Variants in ELP6 observed in about 807,000 individuals in gnomAD.
ELP6 encodes elongator complex protein 6.
ELP6 carries 23 observed loss-of-function variants against 28.1 expected under a neutral mutation model. The ratio of observed to expected loss-of-function variants is 0.82; its 90% CI spans 0.59 to 1.16. The LOEUF (loss-of-function observed/expected upper bound fraction) is 1.16. Among genes scored for constraint, ELP6 ranks in the 50% most tolerant of loss-of-function variants. The pLI is 0.00. For missense variants in ELP6, 313 were observed against 334.6 expected, an observed-to-expected ratio of 0.94 and a Z score of 0.50; for synonymous variants, 132 against 135.8, an observed-to-expected ratio of 0.97 and a Z score of 0.19.
chr3:47,498,828 GC>G, intron 5 of ELP6: 1 of 453,046 alleles, frequency 2.2e-6, no homozygotes, highest in Non-Finnish European at 2.9e-6. Flanking sequence ...AGAGATATGG[GC>G]CCAGGAGACA....
chr3:47,512,507 C>A, intron 1 of ELP6: 3 of 694,392 alleles, frequency 4.3e-6, no homozygotes, highest in Non-Finnish European at 5.3e-6. Context: ...GCCGAGATCG[C>A]GCCAGTGCAC....
At chr3:47,508,765 C>CTTTTTTTTTTTTT (rs1218072845) in intron 3 of ELP6, among the ~76,000 whole-genome samples, 1 of 132,210 alleles carries the variant, frequency 7.6e-6, no homozygotes, top group Non-Finnish European at 1.6e-5. Flanking sequence ...TTTTTTTTTC[C>CTTTTTTTTTTTTT]TTTTTTTTTT....
Position 47,504,365 on chromosome 3 carries a change from C to T in ELP6, c.288G>A (p.Gln96=), listed in dbSNP as rs776470687. The change falls in exon 4 of 7, where the codon CAG becomes CAA. Residue 96 remains glutamine, a synonymous_variant. Coordinates refer to ENST00000296149, the MANE Select transcript of ELP6 (RefSeq NM_001031703.3). Reference sequence around the variant, plus strand: ...GCAGGGGGTGTGGCTCCTTTTGAGCCTGGAAGACGACGTCCACTGCAGACT... The same window carrying T: ...GCAGGGGGTGTGGCTCCTTTTGAGCTTGGAAGACGACGTCCACTGCAGACT... ...GLKSAVDVVF[Q]AQKEPHPLQF... The T allele has an allele frequency of 6.2e-7, 1 of 1,610,884 alleles. No individual in the cohort carries two copies. The highest frequency in any genetic ancestry group is 8.5e-7 in the Non-Finnish European group (1 of 1,178,306).
chr3:47,496,007 T>G lies in ELP6; in HGVS notation c.*62A>C. ...AGAGGAGAAAGACCCATTCTTGCTA[T>G]GTTGCTCTATCTTCCACGTCCAAAA... On this transcript the variant is annotated 3_prime_UTR_variant, in exon 7 of 7. Transcript: ENST00000296149. The G allele has an allele frequency of 6.2e-7, 1 of 1,610,498 alleles. No homozygotes were observed. Among genetic ancestry groups the G allele is most frequent in the Non-Finnish European group, 8.5e-7 (1 of 1,178,788 alleles).
intron 5 of ELP6, chr3:47,500,299 A>G: frequency 9.9e-7 from 1 of 1,007,156 alleles, no homozygotes; most frequent in Non-Finnish European, 1.2e-6. Context: ...AAATATGTGC[A>G]TATACTTTGA....
At chr3:47,509,728 T>C (rs1416551583) in intron 3 of ELP6, among the ~76,000 whole-genome samples, 1 of 152,090 alleles carries the variant, frequency 6.6e-6, no homozygotes, top group Admixed American at 6.6e-5. Flanking sequence ...CATGCTGAGA[T>C]GCTACCTTAG....
intron 3 of ELP6, among the ~76,000 whole-genome samples, chr3:47,506,338 A>G (rs1171178078): frequency 6.6e-6 from 1 of 152,204 alleles, no homozygotes; most frequent in African/African-American, 2.4e-5. Context: ...ATCAGGAGAC[A>G]GGGTTTTGAG....
At chr3:47,502,531 C>A (rs1708697811) in intron 4 of ELP6, 16 of 984,386 alleles carry the variant, frequency 1.6e-5, no homozygotes, top group Non-Finnish European at 1.9e-5. Flanking sequence ...GGAGGTTATA[C>A]ACAGCTGGAA....
chr3:47,508,237 TTATGTATG>T (rs968357057), intron 3 of ELP6, among the ~76,000 whole-genome samples: 1 of 152,188 alleles, frequency 6.6e-6, no homozygotes, highest in African/African-American at 2.4e-5. Context: ...TTTTTTATTT[TTATGTATG>T]TATGTATGTA....
intron 5 of ELP6, chr3:47,501,397 T>C (rs1708644697): frequency 1.9e-6 from 1 of 516,348 alleles, no homozygotes. Flanking sequence ...CTGACAGACC[T>C]GGGACTGCAG....
chr3:47,509,336 T>G (rs985862592), intron 3 of ELP6, among the ~76,000 whole-genome samples: 1 of 152,158 alleles, frequency 6.6e-6, no homozygotes, highest in Admixed American at 6.5e-5. Context: ...CCTGTCCAAA[T>G]ACAAACCAAA....
chr3:47,509,737 A>G (rs942664326), intron 3 of ELP6, among the ~76,000 whole-genome samples: 2 of 151,984 alleles, frequency 1.3e-5, no homozygotes, highest in African/African-American at 4.8e-5. Flanking sequence ...ATGCTACCTT[A>G]GCCCTTCGAG....
At chr3:47,512,848 A>G in intron 1 of ELP6, 2 of 982,090 alleles carry the variant, frequency 2.0e-6, no homozygotes, top group Non-Finnish European at 2.4e-6. Flanking sequence ...CGGCGGCGAA[A>G]CGAACTCCCC....
chr3:47,498,507 T>A, intron 5 of ELP6, 75 bp from the exon 6 acceptor site: 1 of 1,572,260 alleles, frequency 6.4e-7, no homozygotes, highest in Non-Finnish European at 8.6e-7. Flanking sequence ...CAGCCTCTCG[T>A]TGCCTCCACT....
intron 4 of ELP6, chr3:47,503,322 A>C (rs760909634): frequency 7.8e-7 from 1 of 1,288,504 alleles, no homozygotes; most frequent in South Asian, 1.2e-5. Context: ...GAAGAACAGC[A>C]GCCAAGCGGG....
intron 4 of ELP6, among the ~76,000 whole-genome samples, chr3:47,502,179 C>T (rs199901292): frequency 1.3e-5 from 2 of 151,402 alleles, no homozygotes; most frequent in East Asian, 2.0e-4. Flanking sequence ...GAGGCTGAGG[C>T]GGGTGGATCA....
In ELP6 at chr3:47,496,065, C is replaced by T; in HGVS notation, c.*4G>A. ...TATGTAGCTTCAGCTGCTCCGAAAT[C>T]AGGTCACAGAACAGCAGGAGACATT... On this transcript the variant is annotated 3_prime_UTR_variant, in exon 7 of 7. Coordinates refer to ENST00000296149, the MANE Select transcript of ELP6 (RefSeq NM_001031703.3). 1 of 1,614,110 alleles carries T rather than the reference C, an allele frequency of 6.2e-7. No individual in the cohort carries two copies. Among genetic ancestry groups the T allele is most frequent in the Non-Finnish European group, 8.5e-7 (1 of 1,180,004 alleles).
Position 47,495,698 on chromosome 3 carries a change from C to A in ELP6, c.*371G>T. ...ATTATCCTAGTTGTCACCTTGCACACCTGCCATCCGGTGCCATCTCCTGGC... is the reference window on the plus strand; with the variant it reads ...ATTATCCTAGTTGTCACCTTGCACAACTGCCATCCGGTGCCATCTCCTGGC... On this transcript the variant is annotated 3_prime_UTR_variant, in exon 7 of 7. Coordinates refer to ENST00000296149, the MANE Select transcript of ELP6 (RefSeq NM_001031703.3). 1 of 229,874 alleles carries A rather than the reference C, an allele frequency of 4.4e-6. No individual in the cohort carries two copies. The highest frequency in any genetic ancestry group is 5.6e-5 in the South Asian group (1 of 18,000). The allele number at this position is 229,874 out of a possible 1,614,324, so 14.2% of individuals were successfully genotyped here. A position where few individuals can be genotyped will look rare whatever the true frequency, so the allele number is the denominator to read the frequency against.
rs182877491 is a variant in ELP6 at position 47,498,221 on chromosome 3, C to T, written c.672+65G>A. 1.7e-4 allele frequency: 277 copies of T among 1,589,520 alleles called. 1 individual carries two copies. In the East Asian group the frequency reaches 6.2e-3, roughly 35 times the overall value. ...GACAGTCCCTCAGGCCTGACTCTCC[C>T]CTATGTAGTCAAGAATCACAGGTAC... On this transcript the variant is annotated intron_variant, in intron 6 of 6. Transcript: ENST00000296149.
Sources: allele counts gnomAD v4.1 joint callset (sites outside exome capture counted in the v4.1 genomes callset), GRCh38; gene constraint gnomAD v4.1.1; transcripts MANE v1.5; gene names NCBI Gene and HGNC (gene_info 2026-07-23, HGNC 2026-07-21).